The following NEK1 variants were observed in gnomAD, a reference collection of about 807,000 sequenced individuals.
NEK1 encodes NIMA related kinase 1, also known as serine/threonine-protein kinase Nek1.
Under a neutral mutation model 182.1 loss-of-function variants are expected in NEK1, and 137 were observed. That is an observed-to-expected ratio of 0.75 (90% CI 0.65 to 0.87). The LOEUF (loss-of-function observed/expected upper bound fraction) is 0.87. Among genes scored for constraint, NEK1 ranks in the 40% least tolerant of loss-of-function variants. The pLI is 0.00. For synonymous variants in NEK1, 513 were observed against 492.2 expected, an observed-to-expected ratio of 1.04 and a Z score of -0.56; for missense variants, 1,391 against 1,494.4, an observed-to-expected ratio of 0.93 and a Z score of 1.14.
intron 32 of NEK1, among the ~76,000 whole-genome samples, chr4:169,402,066 T>C (rs1319364249): frequency 1.3e-5 from 2 of 152,192 alleles, no homozygotes; most frequent in African/African-American, 2.4e-5. Flanking sequence ...CTGATAAATA[T>C]ATCACACAAC....
intron 31 of NEK1, among the ~76,000 whole-genome samples, chr4:169,423,320 C>G (rs1735801435): frequency 6.6e-6 from 1 of 152,178 alleles, no homozygotes; most frequent in African/African-American, 2.4e-5. Flanking sequence ...CCAGGCTGGT[C>G]TCGAGCTCCT....
chr4:169,405,737 G>C (rs1732478647), intron 32 of NEK1, among the ~76,000 whole-genome samples: 1 of 151,850 alleles, frequency 6.6e-6, no homozygotes, highest in Admixed American at 6.6e-5. Flanking sequence ...GGGCTCAAAT[G>C]ATTTTTCCAC....
At chr4:169,526,999 C>T (rs919218086) in intron 19 of NEK1, among the ~76,000 whole-genome samples, 23 of 152,226 alleles carry the variant, frequency 1.5e-4, no homozygotes, top group African/African-American at 5.3e-4. Flanking sequence ...CCCCAAAAAT[C>T]CATTTCCAGA....
rs58933123 is a variant in NEK1, at chr4:169,480,510, T to TAA, written c.2008-978_2008-977dup. ...CACACCTTAATAAACACCTCATTCC[T>TAA]AAAAAAAAAAAAAAAAAAAAGCTAA... On this transcript the variant is annotated intron_variant, in intron 23 of 35. Coordinates refer to ENST00000507142, the MANE Select transcript of NEK1 (RefSeq NM_001199397.3). 8.8e-3 allele frequency among the ~76,000 whole-genome samples: 882 copies of TAA among 100,236 alleles called. 26 individuals carry two copies. Among genetic ancestry groups the TAA allele is most frequent in the African/African-American group, 0.025 (770 of 30,694 alleles). 65.8% of individuals were successfully genotyped at this position (100,236 alleles called of 152,430 possible).
At chr4:169,538,303 A>C (rs984675847) in intron 18 of NEK1, among the ~76,000 whole-genome samples, 30 of 152,172 alleles carry the variant, frequency 2.0e-4, no homozygotes, top group African/African-American at 6.8e-4. Flanking sequence ...AAATAAAAGC[A>C]GTACAGCAGC....
intron 19 of NEK1, among the ~76,000 whole-genome samples, chr4:169,524,810 G>C (rs1250683929): frequency 6.6e-6 from 1 of 152,152 alleles, no homozygotes; most frequent in Non-Finnish European, 1.5e-5. Flanking sequence ...ACACATGAAC[G>C]TTATGGGAAA....
At chr4:169,607,551 C>T (rs1771566947) in intron 2 of NEK1, among the ~76,000 whole-genome samples, 1 of 152,098 alleles carries the variant, frequency 6.6e-6, no homozygotes, top group South Asian at 2.1e-4. Flanking sequence ...CAAGCTCCAC[C>T]TCCCAGGTTC....
intron 16 of NEK1, among the ~76,000 whole-genome samples, chr4:169,558,018 A>G (rs1050180978): frequency 2.4e-4 from 37 of 152,184 alleles, no homozygotes; most frequent in Admixed American, 1.8e-3. Flanking sequence ...GTAACCCAAT[A>G]AGACAAAATT....
At chr4:169,399,678 T>C (rs1455415896) in intron 35 of NEK1, among the ~76,000 whole-genome samples, 1 of 152,212 alleles carries the variant, frequency 6.6e-6, no homozygotes, top group Non-Finnish European at 1.5e-5. Flanking sequence ...CTGAGTGCAG[T>C]AGCACAATCA....
At chr4:169,483,034 A>C (rs768702204) in intron 23 of NEK1, among the ~76,000 whole-genome samples, 101 of 152,314 alleles carry the variant, frequency 6.6e-4, no homozygotes, top group Non-Finnish European at 1.1e-3. Flanking sequence ...CTCAGCTTTC[A>C]ATATGCCTTC....
rs76330049 is a variant in NEK1, at chr4:169,394,393, A to T, written c.*117T>A. On this transcript the variant is annotated 3_prime_UTR_variant, in exon 36 of 36. Transcript: ENST00000507142. Reference sequence around the variant, plus strand: ...TCTTTTTCATGCAATAAGAAAGTCCATCTTAAATCTGATTTTTTAAATAAA... The same window carrying T: ...TCTTTTTCATGCAATAAGAAAGTCCTTCTTAAATCTGATTTTTTAAATAAA... 7 of 643,452 alleles carry T rather than the reference A, an allele frequency of 1.1e-5. No individual in the cohort carries two copies. Among genetic ancestry groups the T allele is most frequent in the African/African-American group, 1.9e-5 (1 of 52,616 alleles). 39.9% of individuals were successfully genotyped at this position (643,452 alleles called of 1,614,324 possible).
intron 9 of NEK1, among the ~76,000 whole-genome samples, chr4:169,586,796 A>G (rs1400977119): frequency 6.6e-6 from 1 of 152,036 alleles, no homozygotes; most frequent in African/African-American, 2.4e-5. Context: ...TTCCCCAAAT[A>G]GTATTAAGCA....
chr4:169,444,504 T>TA (rs139106928), intron 27 of NEK1, among the ~76,000 whole-genome samples: 10,957 of 151,852 alleles, frequency 0.072, 1,299 homozygotes, highest in African/African-American at 0.25. Context: ...CCAAAAGCTG[T>TA]AAAAAAAGAC....
chr4:169,505,231 C>T (rs1430814010), intron 23 of NEK1, among the ~76,000 whole-genome samples: 1 of 151,526 alleles, frequency 6.6e-6, no homozygotes, highest in Non-Finnish European at 1.5e-5. Context: ...ACAGTTAATC[C>T]TTGAACAACA....
At position 169,562,156 on chromosome 4, in the gene NEK1, TC is replaced by T; in HGVS notation, c.1060del (p.Glu354LysfsTer31). Reference sequence around the variant, plus strand: ...TTATACCTCAGATATTTTCCTCCTTTCTTCTCCAGTATTCACTCTCTTCTCT... The same window carrying T: ...TTATACCTCAGATATTTTCCTCCTTTTTCTCCAGTATTCACTCTCTTCTCT... ...TPEKRVNTGE[E>X]RRKISEEAAR... On this transcript the variant is annotated frameshift_variant, in exon 13 of 36. Transcript: ENST00000507142. LOFTEE classifies it high-confidence loss of function. 1 of 1,546,800 alleles carries T rather than the reference TC, an allele frequency of 6.5e-7. No individual in the cohort carries two copies. The highest frequency in any genetic ancestry group is 8.7e-7 in the Non-Finnish European group (1 of 1,143,248).
chr4:169,401,544 G>A (rs1159912526), intron 33 of NEK1, 108 bp downstream of exon 33: 2 of 821,184 alleles, frequency 2.4e-6, no homozygotes, highest in Non-Finnish European at 3.8e-6. Context: ...GCATGCTTCA[G>A]TTGTATTTAA....
At chr4:169,418,677 T>C (rs950557668) in intron 31 of NEK1, among the ~76,000 whole-genome samples, 1 of 151,962 alleles carries the variant, frequency 6.6e-6, no homozygotes, top group Non-Finnish European at 1.5e-5. Context: ...TACATACTAA[T>C]AGAATTTATC....
At chr4:169,569,773 C>T (rs1421562482) in intron 12 of NEK1, among the ~76,000 whole-genome samples, 2 of 152,216 alleles carry the variant, frequency 1.3e-5, no homozygotes, top group South Asian at 2.1e-4. Flanking sequence ...GGATTGCAGA[C>T]GGAGTCTCGT....
chr4:169,430,346 C>T (rs556724423), intron 29 of NEK1, among the ~76,000 whole-genome samples: 3 of 152,026 alleles, frequency 2.0e-5, no homozygotes, highest in African/African-American at 7.2e-5. Context: ...CCACACCTGG[C>T]TAATTTATTT....
Sources: gnomAD v4.1 joint callset for allele counts (sites outside exome capture counted in the v4.1 genomes callset) on GRCh38, gnomAD v4.1.1 for gene constraint, MANE v1.5 for transcripts, NCBI Gene and HGNC (gene_info 2026-07-23, HGNC 2026-07-21) for gene names.